The following GOLGA2 variants were observed in gnomAD, a reference collection of about 807,000 sequenced individuals.
GOLGA2 encodes the protein golgin subfamily A member 2.
A neutral mutation model predicts 148.8 loss-of-function variants in GOLGA2; 49 were observed. The observed-to-expected ratio is 0.33, with a 90% CI of 0.26 to 0.42. The LOEUF (loss-of-function observed/expected upper bound fraction) is 0.42. GOLGA2 is among the 10% of genes least tolerant of loss of function. GOLGA2 has a pLI of 1.00. For synonymous variants in GOLGA2, 501 were observed against 511.8 expected (o/e 0.98, Z 0.28); for missense variants, 1,178 against 1,304.6 (o/e 0.90, Z 1.49).
chr9:128,274,535 G>A lies in GOLGA2; in HGVS notation c.85-563C>T, dbSNP rs528790839. On this transcript the variant is annotated intron_variant, in intron 1 of 26. Transcript: ENST00000611957. ...AATAAATATGTATCTTAAAATGTGG[G>A]CCGGAACATTAAGTCGGCAGGAACT... Among the ~76,000 whole-genome samples, 40 of 152,254 alleles carry A rather than the reference G, an allele frequency of 2.6e-4. 1 individual carries two copies. The South Asian group carries it at 8.1e-3, about 31-fold the overall frequency.
At position 128,257,909 on chromosome 9, in the gene GOLGA2, G is replaced by T. The variant is rs778037218; in HGVS notation, c.2509-17C>A. 2 of 1,612,650 alleles carry T rather than the reference G, an allele frequency of 1.2e-6. No homozygotes were observed. Among genetic ancestry groups the T allele is most frequent in the Non-Finnish European group, 1.7e-6 (2 of 1,178,678 alleles). On this transcript the variant is annotated splice_polypyrimidine_tract_variant and intron_variant, in intron 23 of 26. Coordinates refer to ENST00000611957, the MANE Select transcript of GOLGA2 (RefSeq NM_001366244.2). The surrounding 1 kb of genome is among the most constrained non-coding windows in gnomAD (Gnocchi z 8.0). Reference sequence around the variant, plus strand: ...AAAGCGGCTCTGGAACCAAAATAATGGAGTCATATATCGGCAGCGACCTGC... The same window carrying T: ...AAAGCGGCTCTGGAACCAAAATAATTGAGTCATATATCGGCAGCGACCTGC...
At position 128,257,908 on chromosome 9, in the gene GOLGA2, T is replaced by TG. The variant is rs781307964; in HGVS notation, c.2509-17dup. ...TAAAGCGGCTCTGGAACCAAAATAA[T>TG]GGAGTCATATATCGGCAGCGACCTG... On this transcript the variant is annotated splice_polypyrimidine_tract_variant and intron_variant, in intron 23 of 26. Transcript: ENST00000611957. The surrounding 1 kb of genome is among the most constrained non-coding windows in gnomAD (Gnocchi z 8.0). The TG allele has an allele frequency of 1.2e-6, 2 of 1,612,834 alleles. No individual in the cohort carries two copies. The highest frequency in any genetic ancestry group is 2.7e-5 in the African/African-American group (2 of 75,014).
At position 128,266,246 on chromosome 9, in the gene GOLGA2, C is replaced by A. The variant is rs778428329; in HGVS notation, c.681+41G>T. ...CCTCTACATTTGAATGCCCCCCAAA[C>A]CCAGCAGTCATGTTGTGAGCAAACA... is the stretch of plus-strand genomic sequence containing the variant. On this transcript the variant is annotated intron_variant, in intron 9 of 26. Transcript: ENST00000611957. The surrounding 1 kb of genome is among the most constrained non-coding windows in gnomAD (Gnocchi z 4.2). The A allele has an allele frequency of 1.3e-6, 2 of 1,572,348 alleles. No individual in the cohort carries two copies. Among genetic ancestry groups the A allele is most frequent in the African/African-American group, 2.7e-5 (2 of 74,162 alleles).
At chr9:128,267,661 T>C in intron 6 of GOLGA2, 144 bp from the exon 7 acceptor site, 1 of 699,578 alleles carries the variant, frequency 1.4e-6, no homozygotes, top group Non-Finnish European at 2.5e-6. Context: ...CCAACTTCTC[T>C]CATGGTTCTT....
At chr9:128,270,320 T>A (rs1482707915) in intron 3 of GOLGA2, among the ~76,000 whole-genome samples, 2 of 151,988 alleles carry the variant, frequency 1.3e-5, no homozygotes, top group African/African-American at 2.4e-5. Context: ...TTAGTAGAGA[T>A]GGGGTTTCAC....
Position 128,260,848 on chromosome 9 carries a change from A to G in GOLGA2, c.1421-46T>C. 1 of 1,360,988 alleles carries G rather than the reference A, an allele frequency of 7.3e-7. No individual in the cohort carries two copies. Among genetic ancestry groups the G allele is most frequent in the Non-Finnish European group, 1.0e-6 (1 of 993,608 alleles). The allele number at this position is 1,360,988 out of a possible 1,614,324, so 84.3% of individuals were successfully genotyped here. ...TAAAAGCCTCTGGATTCTCAAAAAA[A>G]CCCTCCTCTTGGTCCATACCTCCTC... On this transcript the variant is annotated intron_variant, in intron 17 of 26. Coordinates refer to ENST00000611957, the MANE Select transcript of GOLGA2 (RefSeq NM_001366244.2). The surrounding 1 kb of genome is among the most constrained non-coding windows in gnomAD (Gnocchi z 4.8).
chr9:128,262,998 C>G (rs566866210), intron 13 of GOLGA2, 36 bp downstream of exon 13: 2 of 1,423,530 alleles, frequency 1.4e-6, no homozygotes, highest in Admixed American at 1.7e-5. Flanking sequence ...ATGCTGAGGG[C>G]CCCCAGACCT....
chr9:128,265,807 A>T lies in GOLGA2; in HGVS notation c.807T>A (p.His269Gln). 1 of 1,613,884 alleles carries T rather than the reference A, an allele frequency of 6.2e-7. No homozygotes were observed. Among genetic ancestry groups the T allele is most frequent in the East Asian group, 2.2e-5 (1 of 44,884 alleles). ...ELQTALAHTQHAARQKEGESE... is the reference protein window; with the variant it reads ...ELQTALAHTQQAARQKEGESE... ...TCCCACCTTCTTTCTGCCTGGCAGC[A>T]TGCTGAGTGTGAGCCAGGGCTGTCT... The change falls in exon 11 of 27, where the codon CAT becomes CAA. Residue 269 changes from histidine (H) to glutamine (Q), a missense_variant. Physicochemically the swap from His to Gln is conservative, Grantham distance 24 (BLOSUM62 0). Coordinates refer to ENST00000611957, the MANE Select transcript of GOLGA2 (RefSeq NM_001366244.2).
In GOLGA2 at chr9:128,258,307, C is replaced by A; in HGVS notation, c.2290-109G>T. 8.8e-7 allele frequency: 1 copy of A among 1,135,676 alleles called. No homozygotes were observed. The highest frequency in any genetic ancestry group is 2.4e-5 in the East Asian group (1 of 41,224). 70.3% of individuals were successfully genotyped at this position (1,135,676 alleles called of 1,614,324 possible). ...GCCTCAGAGGGTGCACTTGTTGGTCCCAAGTGAAATGGTGTCTCACCACTG... is the reference window on the plus strand; with the variant it reads ...GCCTCAGAGGGTGCACTTGTTGGTCACAAGTGAAATGGTGTCTCACCACTG... On this transcript the variant is annotated intron_variant, in intron 22 of 26. Transcript: ENST00000611957. The surrounding 1 kb of genome is among the most constrained non-coding windows in gnomAD (Gnocchi z 6.6).
rs1183949867 is a variant in GOLGA2 at position 128,260,087 on chromosome 9, G to T, written c.1861C>A (p.Leu621Met). 6.2e-7 allele frequency: 1 copy of T among 1,608,388 alleles called. No individual in the cohort carries two copies. Reference sequence around the variant, plus strand: ...TGGGGCGGGGTTACCGTTTCCTTCAGCTCGCTCAGCTTCTCCTGCAGCTCG... The same window carrying T: ...TGGGGCGGGGTTACCGTTTCCTTCATCTCGCTCAGCTTCTCCTGCAGCTCG... ...LGELQEKLSELKETVELKSQE... is the reference protein window; with the variant it reads ...LGELQEKLSEMKETVELKSQE... Residue 621 changes from leucine to methionine, a missense_variant, in exon 19 of 27, where the codon CTG (leucine) becomes ATG (methionine). By Grantham distance (15) the Leu-to-Met change is conservative (BLOSUM62 2). Around this residue, in one of 5 missense-constraint regions of GOLGA2, gnomAD observed 529 missense variants for 521.8 expected, o/e 1.01. Transcript: ENST00000611957. The surrounding 1 kb of genome is among the most constrained non-coding windows in gnomAD (Gnocchi z 4.8).
intron 3 of GOLGA2, among the ~76,000 whole-genome samples, chr9:128,268,932 T>C (rs1830768584): frequency 6.6e-6 from 1 of 152,150 alleles, no homozygotes; most frequent in Non-Finnish European, 1.5e-5. Context: ...GGGCAGAGGA[T>C]GGTGATGAGG....
chr9:128,258,331 T>G lies in GOLGA2; in HGVS notation c.2289+124A>C. 1 of 1,151,846 alleles carries G rather than the reference T, an allele frequency of 8.7e-7. No homozygotes were observed. The highest frequency in any genetic ancestry group is 1.5e-5 in the African/African-American group (1 of 65,738). The allele number at this position is 1,151,846 out of a possible 1,614,324, so 71.4% of individuals were successfully genotyped here. A position where few individuals can be genotyped will look rare whatever the true frequency, so the allele number is the denominator to read the frequency against. On this transcript the variant is annotated intron_variant, in intron 22 of 26. Transcript: ENST00000611957. This position sits in a 1 kb window ranked among gnomAD's most constrained non-coding sequence, Gnocchi z 6.6. ...CCCAAGTGAAATGGTGTCTCACCACTGGCTCCCAGGAAAGGGGTGAGGGTC... is the reference window on the plus strand; with the variant it reads ...CCCAAGTGAAATGGTGTCTCACCACGGGCTCCCAGGAAAGGGGTGAGGGTC...
At position 128,261,300 on chromosome 9, in the gene GOLGA2, G is replaced by T; in HGVS notation, c.1333-41C>A. 1 of 1,513,710 alleles carries T rather than the reference G, an allele frequency of 6.6e-7. No homozygotes were observed. The highest frequency in any genetic ancestry group is 9.2e-7 in the Non-Finnish European group (1 of 1,089,088). The allele number at this position is 1,513,710 out of a possible 1,614,324, so 93.8% of individuals were successfully genotyped here. On this transcript the variant is annotated intron_variant, in intron 16 of 26. Coordinates refer to ENST00000611957, the MANE Select transcript of GOLGA2 (RefSeq NM_001366244.2). The surrounding 1 kb of genome is among the most constrained non-coding windows in gnomAD (Gnocchi z 5.7). Reference sequence around the variant, plus strand: ...CAAGAAAGGGCCCTGGAGAGGGGCTGGTGGCTGGACAGGCTACCATCTCCC... The same window carrying T: ...CAAGAAAGGGCCCTGGAGAGGGGCTTGTGGCTGGACAGGCTACCATCTCCC...
rs1394558694 is a variant in GOLGA2, at chr9:128,268,279, A to G, written c.394-119T>C. The G allele has an allele frequency of 1.7e-5, 19 of 1,144,984 alleles. No homozygotes were observed. In the East Asian group the frequency reaches 3.7e-4, roughly 23 times the overall value. 70.9% of individuals were successfully genotyped at this position (1,144,984 alleles called of 1,614,324 possible). ...TCTTCAATCTCCCCAGGCCTCAAGGAAAAAAGCCCAGTCTGAGCCTTCCCC... is the reference window on the plus strand; with the variant it reads ...TCTTCAATCTCCCCAGGCCTCAAGGGAAAAAGCCCAGTCTGAGCCTTCCCC... On this transcript the variant is annotated intron_variant, in intron 4 of 26. Transcript: ENST00000611957.
intron 2 of GOLGA2, 73 bp from the exon 3 acceptor site, chr9:128,272,938 G>A: frequency 2.1e-6 from 1 of 479,954 alleles, no homozygotes; most frequent in Non-Finnish European, 3.7e-6. Context: ...AGGCAAGAAA[G>A]TCAGGGAAGG....
chr9:128,255,874 G>A lies in GOLGA2; in HGVS notation c.*1193C>T, dbSNP rs1829828374. The A allele has an allele frequency of 6.6e-6, 1 of 152,468 alleles. No homozygotes were observed. The highest frequency in any genetic ancestry group is 6.6e-5 in the Admixed American group (1 of 15,240). 9.4% of individuals were successfully genotyped at this position (152,468 alleles called of 1,614,324 possible). Reference sequence around the variant, plus strand: ...CCGAAATAAAAAGCAAAATAAACAGGAGTCGCATCACCAGGGCGCCACGAC... The same window carrying A: ...CCGAAATAAAAAGCAAAATAAACAGAAGTCGCATCACCAGGGCGCCACGAC... On this transcript the variant is annotated 3_prime_UTR_variant, in exon 27 of 27. Transcript: ENST00000611957.
rs140185807 is a variant in GOLGA2, at chr9:128,265,023, G to A, written c.933+562C>T. On this transcript the variant is annotated intron_variant, in intron 12 of 26. Coordinates refer to ENST00000611957, the MANE Select transcript of GOLGA2 (RefSeq NM_001366244.2). ...GACTCTCTAAGCTCATTTGTTCCCC[G>A]AGGGTGGGGGCACAAATAGGAAGGG... Among the ~76,000 whole-genome samples, 29 of 152,252 alleles carry A rather than the reference G, an allele frequency of 1.9e-4. 1 individual carries two copies. In the East Asian group the frequency reaches 4.8e-3, roughly 25 times the overall value.
At position 128,259,410 on chromosome 9, in the gene GOLGA2, CG is replaced by C; in HGVS notation, c.1873-20del. Reference sequence around the variant, plus strand: ...GCTCCACCTGTAGGAAGACCCTGGGCGTGAGGGCAGGTGGTGGCCTGCTTCC... The same window carrying C: ...GCTCCACCTGTAGGAAGACCCTGGGCTGAGGGCAGGTGGTGGCCTGCTTCC... On this transcript the variant is annotated intron_variant, in intron 19 of 26. Transcript: ENST00000611957. 3 of 1,504,760 alleles carry C rather than the reference CG, an allele frequency of 2.0e-6. No individual in the cohort carries two copies. The highest frequency in any genetic ancestry group is 2.7e-6 in the Non-Finnish European group (3 of 1,104,334). 93.2% of individuals were successfully genotyped at this position (1,504,760 alleles called of 1,614,324 possible).
At chr9:128,267,899 C>G (rs778054534) in intron 6 of GOLGA2, 35 bp downstream of exon 6, 1 of 1,523,220 alleles carries the variant, frequency 6.6e-7, no homozygotes. Flanking sequence ...GTTCCCTTCC[C>G]CCCACCCCGC....
Sources: allele counts gnomAD v4.1 joint callset (sites outside exome capture counted in the v4.1 genomes callset), GRCh38; gene constraint gnomAD v4.1.1; regional missense constraint gnomAD v4.1.1; non-coding constraint Gnocchi (gnomAD v3.1); transcripts MANE v1.5; gene names NCBI Gene and HGNC (gene_info 2026-07-23, HGNC 2026-07-21).